The following INPP4B variants were observed in gnomAD, a reference collection of about 807,000 sequenced individuals.
The protein encoded by INPP4B is inositol polyphosphate-4-phosphatase type II B.
Under a neutral mutation model 122.5 loss-of-function variants are expected in INPP4B, and 55 were observed. The observed-to-expected ratio is 0.45, with a 90% confidence interval of 0.36 to 0.56. INPP4B has a LOEUF of 0.56. INPP4B is among the 20% of genes least tolerant of loss of function. The pLI is 0.00. For missense variants in INPP4B, 1,000 were observed against 1,097.7 expected (o/e 0.91, Z 1.26); for synonymous variants, 403 against 388.7 (o/e 1.04, Z -0.43).
At chr4:142,279,952 T>C (rs908530478) in intron 9 of INPP4B, among the ~76,000 whole-genome samples, 5 of 151,944 alleles carry the variant, frequency 3.3e-5, no homozygotes, top group African/African-American at 1.2e-4. Flanking sequence ...CTTGAACAGA[T>C]ATGTTTCAAA....
At chr4:142,801,091 G>GA (rs531944903) in intron 1 of INPP4B, among the ~76,000 whole-genome samples, 24 of 148,820 alleles carry the variant, frequency 1.6e-4, no homozygotes, top group Admixed American at 4.0e-4. Context: ...TTAAAGTAGT[G>GA]AAAAAAAAAT....
intron 2 of INPP4B, among the ~76,000 whole-genome samples, chr4:142,469,492 A>C (rs116377874): frequency 3.3e-5 from 5 of 152,078 alleles, no homozygotes; most frequent in Admixed American, 6.5e-5. Flanking sequence ...TAATTTTAGA[A>C]GCTCTTAAAA....
chr4:142,251,391 A>C (rs781009678), intron 11 of INPP4B, among the ~76,000 whole-genome samples: 2 of 152,220 alleles, frequency 1.3e-5, no homozygotes, highest in Non-Finnish European at 2.9e-5. Context: ...TGGTTTATGA[A>C]CATATTAAAG....
intron 17 of INPP4B, among the ~76,000 whole-genome samples, chr4:142,153,125 A>C (rs1815224398): frequency 6.6e-6 from 1 of 152,240 alleles, no homozygotes; most frequent in African/African-American, 2.4e-5. Flanking sequence ...AACATTTAAT[A>C]AGTGAAAAAA....
intron 7 of INPP4B, among the ~76,000 whole-genome samples, chr4:142,320,313 A>G (rs1769503701): frequency 6.6e-6 from 1 of 152,222 alleles, no homozygotes; most frequent in African/African-American, 2.4e-5. Flanking sequence ...TGACCTAATC[A>G]TGACAGTAAA....
At chr4:142,588,080 A>T (rs1736626989) in intron 2 of INPP4B, among the ~76,000 whole-genome samples, 1 of 151,970 alleles carries the variant, frequency 6.6e-6, no homozygotes. Context: ...GATTTTATCA[A>T]ATACAGAAAA....
intron 9 of INPP4B, among the ~76,000 whole-genome samples, chr4:142,300,053 A>G (rs2151105901): frequency 6.6e-6 from 1 of 152,306 alleles, no homozygotes; most frequent in Non-Finnish European, 1.5e-5. Flanking sequence ...GAAAATCAAA[A>G]GTCTAAGAAT....
At chr4:142,327,912 C>A (rs1294694978) in intron 7 of INPP4B, among the ~76,000 whole-genome samples, 3 of 152,134 alleles carry the variant, frequency 2.0e-5, no homozygotes, top group Non-Finnish European at 4.4e-5. Context: ...TATTCCAAAA[C>A]CAATGCATTT....
At chr4:142,540,450 A>G (rs1455735793) in intron 2 of INPP4B, among the ~76,000 whole-genome samples, 1 of 152,010 alleles carries the variant, frequency 6.6e-6, no homozygotes, top group East Asian at 1.9e-4. Context: ...GAAGATGCTG[A>G]ACCTGAGTTA....
At chr4:142,598,666 C>G (rs757483865) in intron 2 of INPP4B, among the ~76,000 whole-genome samples, 15 of 152,158 alleles carry the variant, frequency 9.9e-5, no homozygotes, top group Non-Finnish European at 1.6e-4. Context: ...GCACATGTTT[C>G]TAGAGCCCAG....
At chr4:142,141,042 C>A (rs549562812) in intron 18 of INPP4B, among the ~76,000 whole-genome samples, 4 of 152,236 alleles carry the variant, frequency 2.6e-5, no homozygotes, top group African/African-American at 9.6e-5. Context: ...GAAGCTATTC[C>A]TTTGAAAAAT....
intron 9 of INPP4B, among the ~76,000 whole-genome samples, chr4:142,294,584 A>G (rs76791931): frequency 0.016 from 2,432 of 152,012 alleles, 74 homozygotes; most frequent in African/African-American, 0.056. Context: ...TGCACATACA[A>G]AAATGTGCTC....
At chr4:142,306,074 G>T in intron 8 of INPP4B, 1 of 276,306 alleles carries the variant, frequency 3.6e-6, no homozygotes, top group Non-Finnish European at 5.5e-6. Context: ...TTACTAGCAT[G>T]GGACAATTTC....
intron 1 of INPP4B, among the ~76,000 whole-genome samples, chr4:142,806,321 A>G (rs1004555781): frequency 6.6e-6 from 1 of 151,390 alleles, no homozygotes; most frequent in African/African-American, 2.4e-5. Flanking sequence ...AAAAGAACAT[A>G]TAAATGCGTG....
chr4:142,389,663 A>C (rs1797069897), intron 7 of INPP4B, among the ~76,000 whole-genome samples: 1 of 152,190 alleles, frequency 6.6e-6, no homozygotes, highest in South Asian at 2.1e-4. Flanking sequence ...GCCACATCCC[A>C]AACTATACTG....
chr4:142,741,939 A>G (rs1392583830), intron 1 of INPP4B, among the ~76,000 whole-genome samples: 1 of 151,924 alleles, frequency 6.6e-6, no homozygotes, highest in Non-Finnish European at 1.5e-5. Context: ...CTAAAAAAAG[A>G]AGTTTCAATT....
intron 17 of INPP4B, among the ~76,000 whole-genome samples, 158 bp downstream of exon 17, chr4:142,160,200 A>C (rs540223212): frequency 2.0e-5 from 3 of 152,182 alleles, no homozygotes; most frequent in East Asian, 1.9e-4. Flanking sequence ...AACTTCCAAA[A>C]AAAAATTGCC....
rs575775911 is a variant in INPP4B, at chr4:142,288,907, G to C, written c.503+16551C>G. ...CATTCTTGGTATTCTGGTGGTAAAAGCTGCAGAATCAGTGAAGGATTCAAG... is the reference window on the plus strand; with the variant it reads ...CATTCTTGGTATTCTGGTGGTAAAACCTGCAGAATCAGTGAAGGATTCAAG... On this transcript the variant is annotated intron_variant, in intron 9 of 25. Coordinates refer to ENST00000262992, the MANE Select transcript of INPP4B (RefSeq NM_001101669.3). Among the ~76,000 whole-genome samples the C allele has an allele frequency of 3.9e-5, 6 of 152,226 alleles. 1 individual carries two copies. In the South Asian group the frequency reaches 1.2e-3, roughly 32 times the overall value.
rs979108611 is a variant in INPP4B at position 142,693,266 on chromosome 4, T to C, written c.-191+32573A>G. On this transcript the variant is annotated intron_variant, in intron 2 of 25. Transcript: ENST00000262992. ...ACACTTTTAGAATGGCTGATGGCAG[T>C]TGCTTACAGTGAACAGTTATTACTA... Among the ~76,000 whole-genome samples, 17 of 151,974 alleles carry C rather than the reference T, an allele frequency of 1.1e-4. 1 individual carries two copies. Among genetic ancestry groups the C allele is most frequent in the Non-Finnish European group, 1.9e-4 (13 of 67,996 alleles).
Sources: allele counts gnomAD v4.1 joint callset (sites outside exome capture counted in the v4.1 genomes callset), GRCh38; gene constraint gnomAD v4.1.1; transcripts MANE v1.5; gene names NCBI Gene and HGNC (gene_info 2026-07-23, HGNC 2026-07-21).